Variants in WDR41 observed in about 807,000 individuals in gnomAD.
WDR41 encodes the protein WD repeat-containing protein 41.
WDR41 carries 63 observed loss-of-function variants against 69.3 expected under a neutral mutation model. The ratio of observed to expected loss-of-function variants is 0.91; its 90% CI spans 0.74 to 1.12. The LOEUF is 1.12. WDR41 is among the 50% of genes most tolerant of loss of function. The pLI is 0.00. For missense variants in WDR41, 543 were observed against 534.5 expected, an observed-to-expected ratio of 1.02 and a Z score of -0.16; for synonymous variants, 185 against 192.1, an observed-to-expected ratio of 0.96 and a Z score of 0.31.
intron 1 of WDR41, among the ~76,000 whole-genome samples, chr5:77,568,426 C>G (rs964438945): frequency 6.6e-6 from 1 of 152,168 alleles, no homozygotes; most frequent in Non-Finnish European, 1.5e-5. Context: ...CAAAATAACC[C>G]ATTCTTCCTG....
intron 1 of WDR41, among the ~76,000 whole-genome samples, chr5:77,559,921 A>C (rs2112256053): frequency 6.6e-6 from 1 of 152,292 alleles, no homozygotes; most frequent in South Asian, 2.1e-4. Context: ...GTCATCTAGC[A>C]GGCCTAAAAG....
chr5:77,485,675 A>T (rs561258633), intron 2 of WDR41, among the ~76,000 whole-genome samples: 239 of 152,192 alleles, frequency 1.6e-3, no homozygotes, highest in Non-Finnish European at 2.7e-3. Context: ...TTTTTGGAAG[A>T]CTTTTGCTGA....
At chr5:77,533,417 A>G (rs1308588779) in intron 1 of WDR41, among the ~76,000 whole-genome samples, 1 of 152,216 alleles carries the variant, frequency 6.6e-6, no homozygotes, top group Non-Finnish European at 1.5e-5. Flanking sequence ...AATAGTGTTG[A>G]GTGGGAAAAA....
At chr5:77,599,120 C>CG (rs1159072657) in intron 1 of WDR41, among the ~76,000 whole-genome samples, 2 of 139,766 alleles carry the variant, frequency 1.4e-5, no homozygotes, top group Admixed American at 7.3e-5. Context: ...CTAAAACATA[C>CG]GTTTTTTTTT....
chr5:77,602,291 C>T (rs1744335525), intron 1 of WDR41, among the ~76,000 whole-genome samples: 1 of 152,124 alleles, frequency 6.6e-6, no homozygotes, highest in Non-Finnish European at 1.5e-5. Flanking sequence ...AGGCATGCGC[C>T]ACCACGCCTG....
chr5:77,543,911 A>G (rs1166704190), intron 1 of WDR41, among the ~76,000 whole-genome samples: 1 of 152,144 alleles, frequency 6.6e-6, no homozygotes, highest in African/African-American at 2.4e-5. Context: ...AGACAAAAGC[A>G]CCAGGTAACC....
At chr5:77,579,776 G>A (rs557601619) in intron 1 of WDR41, among the ~76,000 whole-genome samples, 1 of 152,268 alleles carries the variant, frequency 6.6e-6, no homozygotes, top group African/African-American at 2.4e-5. Flanking sequence ...AAGTATAACT[G>A]CATATTTTCC....
intron 1 of WDR41, among the ~76,000 whole-genome samples, chr5:77,587,244 A>G (rs937704068): frequency 4.6e-5 from 7 of 152,036 alleles, no homozygotes; most frequent in African/African-American, 1.7e-4. Flanking sequence ...CTTCTGTAAG[A>G]TGGACATTTG....
intron 2 of WDR41, among the ~76,000 whole-genome samples, chr5:77,473,058 G>A (rs1478072032): frequency 6.6e-6 from 1 of 151,876 alleles, no homozygotes; most frequent in African/African-American, 2.4e-5. Flanking sequence ...GCATGATACT[G>A]GTACCAAAAC....
In WDR41 at chr5:77,438,245, T is replaced by C. The variant is rs1025418196; in HGVS notation, c.999A>G (p.Pro333=). 1.2e-6 allele frequency: 2 copies of C among 1,613,882 alleles called. No individual in the cohort carries two copies. The highest frequency in any genetic ancestry group is 1.3e-5 in the African/African-American group (1 of 74,924). The change falls in exon 10 of 13, where the codon CCA becomes CCG. Residue 333 remains proline (P), a synonymous_variant. Coordinates refer to ENST00000296679, the MANE Select transcript of WDR41 (RefSeq NM_018268.4). ...GAACAGATGGGAACTTGTACCTGTT[T>C]GGAAGTCTGGCAACGTGCAGGACAT... ...DSNVLHVARL[P]NRQLISCSED...
chr5:77,433,452 T>C (rs564714760), intron 12 of WDR41, among the ~76,000 whole-genome samples, 165 bp from the exon 13 acceptor site: 141 of 152,342 alleles, frequency 9.3e-4, no homozygotes, highest in African/African-American at 2.9e-3. Flanking sequence ...ATACAAATAA[T>C]ATCTAATATT....
At chr5:77,481,959 T>C (rs1801293247) in intron 2 of WDR41, among the ~76,000 whole-genome samples, 1 of 152,216 alleles carries the variant, frequency 6.6e-6, no homozygotes, top group Non-Finnish European at 1.5e-5. Context: ...CTCAGAACAC[T>C]AGCAATATCT....
At chr5:77,557,857 G>C (rs1413619013) in intron 1 of WDR41, among the ~76,000 whole-genome samples, 2 of 152,112 alleles carry the variant, frequency 1.3e-5, no homozygotes, top group Non-Finnish European at 2.9e-5. Context: ...TATTAGGTGA[G>C]AGTTAAAAGT....
chr5:77,490,105 T>C (rs1276071375), intron 1 of WDR41, among the ~76,000 whole-genome samples: 1 of 93,026 alleles, frequency 1.1e-5, no homozygotes, highest in African/African-American at 7.3e-5. Flanking sequence ...GAGAATTTTT[T>C]TTTTTCGCAC....
At chr5:77,599,938 G>A (rs1291145105) in intron 1 of WDR41, among the ~76,000 whole-genome samples, 1 of 152,182 alleles carries the variant, frequency 6.6e-6, no homozygotes, top group Non-Finnish European at 1.5e-5. Context: ...ATAGAAAAGA[G>A]CAAGACAAGT....
Position 77,486,815 on chromosome 5 carries a change from A to G in WDR41, c.167+2642T>C, listed in dbSNP as rs981646757. 3.9e-5 allele frequency among the ~76,000 whole-genome samples: 6 copies of G among 152,180 alleles called. No individual in the cohort carries two copies. In the East Asian group the frequency reaches 5.8e-4, roughly 15 times the overall value. Reference sequence around the variant, plus strand: ...ACTCACCCAGCTGAGCCTAGCCCGAATTGCCATCCTGCAGAATAATGAGCT... The same window carrying G: ...ACTCACCCAGCTGAGCCTAGCCCGAGTTGCCATCCTGCAGAATAATGAGCT... On this transcript the variant is annotated intron_variant, in intron 2 of 12. Coordinates refer to ENST00000296679, the MANE Select transcript of WDR41 (RefSeq NM_018268.4).
At chr5:77,471,259 T>C (rs1176998837) in intron 2 of WDR41, among the ~76,000 whole-genome samples, 2 of 152,070 alleles carry the variant, frequency 1.3e-5, no homozygotes, top group Non-Finnish European at 2.9e-5. Context: ...CCAGAATCTC[T>C]AGGACACATT....
intron 2 of WDR41, among the ~76,000 whole-genome samples, chr5:77,474,481 C>T (rs1375336206): frequency 6.6e-6 from 1 of 152,042 alleles, no homozygotes; most frequent in Non-Finnish European, 1.5e-5. Flanking sequence ...TGTTTGTATG[C>T]TAGAACTACT....
At position 77,608,368 on chromosome 5, in the gene WDR41, AT is replaced by A. The variant is rs1173705015; in HGVS notation, c.42+12110del. 5.9e-5 allele frequency among the ~76,000 whole-genome samples: 9 copies of A among 152,356 alleles called. No individual in the cohort carries two copies. The East Asian group carries it at 1.7e-3, about 29-fold the overall frequency. ...ATCCCTGGAAGTAGGAAAAGCAAAC[AT>A]TACATGCCTCCTGATGTGAATCTAT... On this transcript the variant is annotated intron_variant, in intron 1 of 5. Transcript: ENST00000509971.
Sources: gnomAD v4.1 joint callset for allele counts (sites outside exome capture counted in the v4.1 genomes callset) on GRCh38, gnomAD v4.1.1 for gene constraint, MANE v1.5 for transcripts, NCBI Gene and HGNC (gene_info 2026-07-23, HGNC 2026-07-21) for gene names.